MYRF: variants seen among roughly 807,000 people sequenced by gnomAD.
The protein encoded by MYRF is myelin regulatory factor, also known as myelin gene regulatory factor.
MYRF carries 16 observed loss-of-function variants against 126.3 expected under a neutral mutation model. That is an observed-to-expected ratio of 0.13 (90% CI 0.09 to 0.19). The LOEUF (loss-of-function observed/expected upper bound fraction) is 0.19. Ranked by LOEUF, MYRF falls within the 10% of genes least tolerant of loss-of-function variation. The pLI is 1.00. For synonymous variants in MYRF, 608 were observed against 635.3 expected, an observed-to-expected ratio of 0.96 and a Z score of 0.65; for missense variants, 1,104 against 1,547.0, an observed-to-expected ratio of 0.71 and a Z score of 4.80.
intron 3 of MYRF, chr11:61,767,400 A>T (rs547589): frequency 2.2e-6 from 1 of 456,206 alleles, no homozygotes; most frequent in African/African-American, 2.0e-5. Flanking sequence ...GGCCACTGCT[A>T]CCGTCAGGAT....
intron 1 of MYRF, among the ~76,000 whole-genome samples, chr11:61,759,898 C>G (rs555895002): frequency 6.6e-6 from 1 of 152,302 alleles, no homozygotes; most frequent in South Asian, 2.1e-4. Flanking sequence ...AAGCAAACAT[C>G]TGACCTGAAG....
In MYRF at chr11:61,786,128, C is replaced by T. The variant is rs895761585; in HGVS notation, c.3441C>T (p.Tyr1147=). The T allele has an allele frequency of 3.7e-6, 6 of 1,614,090 alleles. No homozygotes were observed. The Admixed American group carries it at 6.7e-5, about 18-fold the overall frequency. The change falls in exon 27 of 27, where the codon TAC becomes TAT. Residue 1147 remains tyrosine, a synonymous_variant. Coordinates refer to ENST00000278836, the MANE Select transcript of MYRF (RefSeq NM_001127392.3). This position sits in a 1 kb window ranked among gnomAD's most constrained non-coding sequence, Gnocchi z 4.5. ...QPATDYHFHF[Y]RLCD ...CCACAGACTACCACTTCCACTTCTA[C>T]CGCCTGTGTGACTGAGCTGCCCTCC...
Position 61,776,194 on chromosome 11 carries a change from G to A in MYRF, c.1388+62G>A, listed in dbSNP as rs2066377190. The A allele has an allele frequency of 6.3e-7, 1 of 1,598,998 alleles. No homozygotes were observed. The highest frequency in any genetic ancestry group is 8.6e-7 in the Non-Finnish European group (1 of 1,166,874). ...GGGTCCACAACTAAAGCTGGCTTGG[G>A]AATGGAGGGGCCAGGGAGGTACCCA... On this transcript the variant is annotated intron_variant, in intron 9 of 26. Transcript: ENST00000278836. This position sits in a 1 kb window ranked among gnomAD's most constrained non-coding sequence, Gnocchi z 4.3.
chr11:61,777,135 G>T lies in MYRF; in HGVS notation c.1591-129G>T, dbSNP rs1266871664. The T allele has an allele frequency of 3.9e-5, 39 of 1,006,086 alleles. No homozygotes were observed. The South Asian group carries it at 5.7e-4, about 15-fold the overall frequency. 62.3% of individuals were successfully genotyped at this position (1,006,086 alleles called of 1,614,324 possible). A position where few individuals can be genotyped will look rare whatever the true frequency, so the allele number is the denominator to read the frequency against. Reference sequence around the variant, plus strand: ...TGTCACAGTGGGAGGGACAGTTCAAGTTGGGCTTGGTGCAGTGAGAAACCC... The same window carrying T: ...TGTCACAGTGGGAGGGACAGTTCAATTTGGGCTTGGTGCAGTGAGAAACCC... On this transcript the variant is annotated intron_variant, in intron 11 of 26. Transcript: ENST00000278836. The surrounding 1 kb of genome is among the most constrained non-coding windows in gnomAD (Gnocchi z 8.8).
chr11:61,758,761 C>T (rs2065829241), intron 1 of MYRF, among the ~76,000 whole-genome samples: 1 of 152,250 alleles, frequency 6.6e-6, no homozygotes, highest in Admixed American at 6.5e-5. Flanking sequence ...TCTGACTCTG[C>T]TCCCTAGAAT....
rs1461391085 is a variant in MYRF at position 61,780,727 on chromosome 11, C to T, written c.2421C>T (p.Ser807=). ...TGCCCCTTAGCTCTTTTGCCGTGTC[C>T]ACTTCCTGTCTCCTGGCCCTGCTCC... The part of the protein sequence containing the change: ...LVDTDGSFAV[S]TSCLLALLRP... The change falls in exon 19 of 27, where the codon TCC becomes TCT. Residue 807 remains serine (S), a synonymous_variant. Transcript: ENST00000278836. The T allele has an allele frequency of 6.5e-6, 10 of 1,549,726 alleles. No homozygotes were observed. Among genetic ancestry groups the T allele is most frequent in the Non-Finnish European group, 7.8e-6 (9 of 1,147,056 alleles).
chr11:61,763,865 A>C (rs1390916252), intron 1 of MYRF, among the ~76,000 whole-genome samples: 35 of 146,264 alleles, frequency 2.4e-4, no homozygotes, highest in Admixed American at 2.4e-3. Context: ...ACTCAGTCTC[A>C]AAAAAAAAAG....
At chr11:61,755,400 C>T in intron 1 of MYRF, 2 of 1,606,242 alleles carry the variant, frequency 1.2e-6, no homozygotes, top group Non-Finnish European at 1.7e-6. Context: ...ACAGGGCCTG[C>T]AGAGAGGGGA....
intron 1 of MYRF, among the ~76,000 whole-genome samples, chr11:61,761,507 G>A (rs1216319579): frequency 6.6e-6 from 1 of 152,220 alleles, no homozygotes; most frequent in Non-Finnish European, 1.5e-5. Flanking sequence ...GTTCCAGGCA[G>A]GTAATAAAGG....
intron 7 of MYRF, among the ~76,000 whole-genome samples, chr11:61,772,730 A>G (rs1035348277): frequency 3.3e-5 from 5 of 152,222 alleles, no homozygotes; most frequent in African/African-American, 9.6e-5. Flanking sequence ...CCCAGGCCCC[A>G]AGGCCAGGAA....
In MYRF at chr11:61,777,565, C is replaced by T; in HGVS notation, c.1791+101C>T. ...GGCGTGACTACGCGGAAAGGCGGAG[C>T]TGCGGGGGAAGGAAGGGAGGGAGGC... is the stretch of plus-strand genomic sequence containing the variant. On this transcript the variant is annotated intron_variant, in intron 12 of 26. Transcript: ENST00000278836. This position sits in a 1 kb window ranked among gnomAD's most constrained non-coding sequence, Gnocchi z 8.8. The T allele has an allele frequency of 4.2e-6, 6 of 1,434,028 alleles. No homozygotes were observed. Among genetic ancestry groups the T allele is most frequent in the Non-Finnish European group, 5.7e-6 (6 of 1,055,660 alleles). The allele number at this position is 1,434,028 out of a possible 1,614,324, so 88.8% of individuals were successfully genotyped here.
chr11:61,766,817 C>T (rs898755347), intron 3 of MYRF: 3 of 347,788 alleles, frequency 8.6e-6, no homozygotes, highest in Non-Finnish European at 1.7e-5. Flanking sequence ...CAGGGCAGCT[C>T]CCGGGGCACA....
Position 61,777,752 on chromosome 11 carries a change from T to C in MYRF, c.1810T>C (p.Leu604=), listed in dbSNP as rs1413466179. ...HVQEVDTTEQ[L]KRISRMRLVH... ...CCCGCAGGTGGACACCACCGAGCAATTGAAGAGGATCTCGCGCATGCGGCT... is the reference window on the plus strand; with the variant it reads ...CCCGCAGGTGGACACCACCGAGCAACTGAAGAGGATCTCGCGCATGCGGCT... The change falls in exon 13 of 27, where the codon TTG becomes CTG. Residue 604 remains leucine, a synonymous_variant. Transcript: ENST00000278836. This position sits in a 1 kb window ranked among gnomAD's most constrained non-coding sequence, Gnocchi z 8.8. 4.5e-6 allele frequency: 7 copies of C among 1,551,358 alleles called. No homozygotes were observed. The highest frequency in any genetic ancestry group is 4.9e-5 in the East Asian group (2 of 40,956).
chr11:61,761,476 A>G (rs1357625938), intron 1 of MYRF, among the ~76,000 whole-genome samples: 1 of 152,160 alleles, frequency 6.6e-6, no homozygotes, highest in African/African-American at 2.4e-5. Context: ...CCTGCCTGGG[A>G]AGGGGCAGTG....
Position 61,758,585 on chromosome 11 carries a change from G to A in MYRF, c.46+5795G>A, listed in dbSNP as rs769214149. On this transcript the variant is annotated intron_variant, in intron 1 of 26. Transcript: ENST00000278836. The stretch of plus-strand genomic sequence containing the variant: ...CTGTGCCTGTGGGCCTGGGCCTGTC[G>A]TCGGGTCAGTGAGTGTTTGTGTACA... Among the ~76,000 whole-genome samples the A allele has an allele frequency of 2.6e-5, 4 of 152,208 alleles. No homozygotes were observed. The East Asian group carries it at 7.7e-4, about 29-fold the overall frequency.
In MYRF at chr11:61,783,297, G is replaced by A. The variant is rs906303507; in HGVS notation, c.3017-201G>A. ...TTCCAGTTCTTTTGAGGAGGCAGAC[G>A]TCAGGCTCATGGGAACTGGGTAGTC... On this transcript the variant is annotated intron_variant, in intron 22 of 26. Transcript: ENST00000278836. The surrounding 1 kb of genome is among the most constrained non-coding windows in gnomAD (Gnocchi z 4.6). 4.4e-5 allele frequency: 21 copies of A among 482,736 alleles called. 1 individual carries two copies. In the Middle Eastern group the frequency reaches 1.2e-3, roughly 29 times the overall value. 29.9% of individuals were successfully genotyped at this position (482,736 alleles called of 1,614,324 possible). A position where few individuals can be genotyped will look rare whatever the true frequency, so the allele number is the denominator to read the frequency against.
At chr11:61,758,170 G>C (rs2065809977) in intron 1 of MYRF, among the ~76,000 whole-genome samples, 1 of 152,160 alleles carries the variant, frequency 6.6e-6, no homozygotes, top group Admixed American at 6.5e-5. Context: ...TATGGAGGGG[G>C]CTCCCGGACA....
Position 61,787,297 on chromosome 11 carries a change from C to T in MYRF, c.*1154C>T, listed in dbSNP as rs2066716287. 6.6e-6 allele frequency: 1 copy of T among 152,316 alleles called. No individual in the cohort carries two copies. Among genetic ancestry groups the T allele is most frequent in the African/African-American group, 2.4e-5 (1 of 41,418 alleles). 9.4% of individuals were successfully genotyped at this position (152,316 alleles called of 1,614,324 possible). On this transcript the variant is annotated 3_prime_UTR_variant, in exon 27 of 27. Coordinates refer to ENST00000278836, the MANE Select transcript of MYRF (RefSeq NM_001127392.3). ...CCCATCCCACTCCCAACCACCAAGACCCTGGGTTAGGGAAGAAGTTGTATC... is the reference window on the plus strand; with the variant it reads ...CCCATCCCACTCCCAACCACCAAGATCCTGGGTTAGGGAAGAAGTTGTATC...
rs953015945 is a variant in MYRF at position 61,778,829 on chromosome 11, G to C, written c.2013+340G>C. The C allele has an allele frequency of 3.6e-6, 2 of 552,022 alleles. No individual in the cohort carries two copies. The highest frequency in any genetic ancestry group is 6.9e-6 in the Non-Finnish European group (2 of 289,226). The allele number at this position is 552,022 out of a possible 1,614,324, so 34.2% of individuals were successfully genotyped here. On this transcript the variant is annotated intron_variant, in intron 14 of 26. Transcript: ENST00000278836. This position sits in a 1 kb window ranked among gnomAD's most constrained non-coding sequence, Gnocchi z 4.6. ...TCCAGGCTGAAATACGTGGTTTATT[G>C]TGAGGACGACGTTTGTCACTTACCT...
Sources: gnomAD v4.1 joint callset for allele counts (sites outside exome capture counted in the v4.1 genomes callset) on GRCh38, gnomAD v4.1.1 for gene constraint, Gnocchi (gnomAD v3.1) non-coding constraint, MANE v1.5 for transcripts, NCBI Gene and HGNC (gene_info 2026-07-23, HGNC 2026-07-21) for gene names.